ROR2: variants seen among roughly 807,000 people sequenced by gnomAD.
ROR2 encodes ROR family WNT receptor 2, also known as tyrosine-protein kinase transmembrane receptor ROR2.
In ROR2, 33 loss-of-function variants were observed where a neutral mutation model predicts 74.9. The observed-to-expected ratio is 0.44, with a 90% confidence interval of 0.33 to 0.59. ROR2 has a LOEUF of 0.59. ROR2 is among the 20% of genes least tolerant of loss of function. ROR2 has a pLI of 0.02. For synonymous variants in ROR2, 586 were observed against 558.7 expected, an observed-to-expected ratio of 1.05 and a Z score of -0.69; for missense variants, 1,216 against 1,313.8, an observed-to-expected ratio of 0.93 and a Z score of 1.15.
At chr9:91,773,860 G>C (rs1035858867) in intron 2 of ROR2, among the ~76,000 whole-genome samples, 1 of 152,226 alleles carries the variant, frequency 6.6e-6, no homozygotes, top group Non-Finnish European at 1.5e-5. Flanking sequence ...CCCAGATCAA[G>C]AGATGTGTTC....
At chr9:91,909,847 G>GTTTTTTGTTTTTTTTTTTT (rs1564032282) in intron 1 of ROR2, among the ~76,000 whole-genome samples, 39 of 53,612 alleles carry the variant, frequency 7.3e-4, no homozygotes, top group Non-Finnish European at 8.7e-4. Context: ...GGTTTGTTTT[G>GTTTTTTGTTTTTTTTTTTT]TTTTTTTTTT....
Position 91,757,096 on chromosome 9 carries a change from G to A in ROR2, c.463+176C>T, listed in dbSNP as rs1184489755. On this transcript the variant is annotated intron_variant, in intron 3 of 8. Coordinates refer to ENST00000375708, the MANE Select transcript of ROR2 (RefSeq NM_004560.4). ...TATTTTCTCTTATTACTAGTAAATG[G>A]GTAACAGGTCAAGCTGGGCCCTGGG... Among the ~76,000 whole-genome samples the A allele has an allele frequency of 3.3e-5, 5 of 152,054 alleles. No homozygotes were observed. The East Asian group carries it at 9.7e-4, about 30-fold the overall frequency.
intron 1 of ROR2, among the ~76,000 whole-genome samples, chr9:91,919,163 A>G (rs1299165379): frequency 6.6e-6 from 1 of 152,250 alleles, no homozygotes; most frequent in East Asian, 1.9e-4. Flanking sequence ...TCATACTGCC[A>G]GGATAACAAT....
intron 2 of ROR2, among the ~76,000 whole-genome samples, chr9:91,766,287 T>C (rs10512217): frequency 0.097 from 14,747 of 152,202 alleles, 1,019 homozygotes; most frequent in East Asian, 0.26. Context: ...CTAGGAAAAT[T>C]GGGCTGTTCT....
Position 91,742,753 on chromosome 9 carries a change from G to T in ROR2, c.495-5235C>A, listed in dbSNP as rs563200557. On this transcript the variant is annotated intron_variant, in intron 4 of 8. Coordinates refer to ENST00000375708, the MANE Select transcript of ROR2 (RefSeq NM_004560.4). ...TAGCGTTTACACAGTCTACAGTAGT[G>T]TACAGTAATGTGTAATGTCCTGGGC... is the stretch of plus-strand genomic sequence containing the variant. 3.9e-5 allele frequency among the ~76,000 whole-genome samples: 6 copies of T among 152,290 alleles called. No homozygotes were observed. The East Asian group carries it at 1.2e-3, about 29-fold the overall frequency.
At chr9:91,821,418 C>G (rs1182701169) in intron 1 of ROR2, among the ~76,000 whole-genome samples, 1 of 152,218 alleles carries the variant, frequency 6.6e-6, no homozygotes, top group African/African-American at 2.4e-5. Context: ...ATGGAACCAC[C>G]ATTCTGCTGT....
chr9:91,870,444 C>A (rs1829764348), intron 1 of ROR2, among the ~76,000 whole-genome samples: 1 of 152,164 alleles, frequency 6.6e-6, no homozygotes, highest in African/African-American at 2.4e-5. Flanking sequence ...TCCCCTGCAA[C>A]TGCCCAAAAA....
intron 1 of ROR2, among the ~76,000 whole-genome samples, chr9:91,784,321 C>G (rs1364026336): frequency 6.6e-6 from 1 of 152,154 alleles, no homozygotes; most frequent in Non-Finnish European, 1.5e-5. Context: ...ATGCTGTGGG[C>G]GACTGCAGCA....
intron 1 of ROR2, among the ~76,000 whole-genome samples, chr9:91,814,635 C>A (rs1381419068): frequency 2.6e-5 from 4 of 152,208 alleles, no homozygotes. Context: ...AACCTGAGAT[C>A]CCCCACGTTT....
At chr9:91,921,773 G>C (rs999002912) in intron 1 of ROR2, among the ~76,000 whole-genome samples, 2 of 150,078 alleles carry the variant, frequency 1.3e-5, no homozygotes, top group Admixed American at 6.7e-5. Context: ...TGAGGCAGGA[G>C]AATCGCTTGA....
Position 91,796,432 on chromosome 9 carries a change from C to G in ROR2, c.98-20614G>C. ...TGGGCAACAGAGTGAGACCTTGTCC[C>G]AAGGAAAAAAAAAAAAAAAAAAACA... On this transcript the variant is annotated intron_variant, in intron 1 of 8. Coordinates refer to ENST00000375708, the MANE Select transcript of ROR2 (RefSeq NM_004560.4). Among the ~76,000 whole-genome samples, 2 of 105,986 alleles carry G rather than the reference C, an allele frequency of 1.9e-5. 1 individual carries two copies. The highest frequency in any genetic ancestry group is 8.9e-4 in the East Asian group (2 of 2,246). 69.5% of individuals were successfully genotyped at this position (105,986 alleles called of 152,430 possible).
rs1415833133 is a variant in ROR2 at position 91,823,471 on chromosome 9, C to T, written c.98-47653G>A. Among the ~76,000 whole-genome samples, 3 of 150,242 alleles carry T rather than the reference C, an allele frequency of 2.0e-5. 1 individual carries two copies. Among genetic ancestry groups the T allele is most frequent in the African/African-American group, 5.0e-5 (2 of 39,886 alleles). ...CAGCCTCCCAAGTAGCTGGGATTGCCGGCGCATGCCACCACGCCAGCTGAT... is the reference window on the plus strand; with the variant it reads ...CAGCCTCCCAAGTAGCTGGGATTGCTGGCGCATGCCACCACGCCAGCTGAT... On this transcript the variant is annotated intron_variant, in intron 1 of 8. Coordinates refer to ENST00000375708, the MANE Select transcript of ROR2 (RefSeq NM_004560.4).
Position 91,757,338 on chromosome 9 carries a change from A to G in ROR2, c.397T>C (p.Tyr133His). The G allele has an allele frequency of 6.2e-7, 1 of 1,613,980 alleles. No individual in the cohort carries two copies. The highest frequency in any genetic ancestry group is 8.5e-7 in the Non-Finnish European group (1 of 1,179,978). Residue 133 changes from tyrosine (Y) to histidine (H), a missense_variant, in exon 3 of 9, where the codon TAC becomes CAC. Tyr to His is a moderately conservative substitution (Grantham distance 83). Coordinates refer to ENST00000375708, the MANE Select transcript of ROR2 (RefSeq NM_004560.4). The part of the protein sequence containing the change: ...QDLDTTDTGY[Y>H]QCVATNGMKT... ...ATCCCGTTGGTGGCCACGCACTGGT[A>G]GTAGCCAGTGTCTGTCGTGTCCAGG...
At chr9:91,835,541 C>T (rs939999190) in intron 1 of ROR2, among the ~76,000 whole-genome samples, 5 of 152,202 alleles carry the variant, frequency 3.3e-5, no homozygotes, top group Non-Finnish European at 7.3e-5. Flanking sequence ...GCCCTGCTGC[C>T]CCATCCCTGA....
intron 1 of ROR2, among the ~76,000 whole-genome samples, chr9:91,889,446 C>A (rs923658570): frequency 6.6e-6 from 1 of 152,184 alleles, no homozygotes; most frequent in Admixed American, 6.5e-5. Context: ...GCATGCTAGA[C>A]GTGGTTGGGG....
chr9:91,873,646 T>C (rs80217787), intron 1 of ROR2, among the ~76,000 whole-genome samples: 11,195 of 152,158 alleles, frequency 0.074, 528 homozygotes, highest in African/African-American at 0.13. Flanking sequence ...AGGGCCTTCT[T>C]TGTTGCAATC....
At chr9:91,726,245 C>G (rs1425710109) in intron 8 of ROR2, among the ~76,000 whole-genome samples, 1 of 152,190 alleles carries the variant, frequency 6.6e-6, no homozygotes, top group Non-Finnish European at 1.5e-5. Context: ...CTGGGCAGAG[C>G]TGAGGCACCT....
intron 1 of ROR2, among the ~76,000 whole-genome samples, chr9:91,783,119 A>G (rs532003696): frequency 1.3e-5 from 2 of 152,184 alleles, no homozygotes; most frequent in Admixed American, 6.5e-5. Flanking sequence ...CCCTCCATGC[A>G]CACCGTCTTT....
At chr9:91,744,139 T>C (rs1311618884) in intron 4 of ROR2, among the ~76,000 whole-genome samples, 1 of 151,994 alleles carries the variant, frequency 6.6e-6, no homozygotes, top group Non-Finnish European at 1.5e-5. Context: ...TTTTATCTGT[T>C]GCATTCATTG....
Sources: allele counts gnomAD v4.1 joint callset (sites outside exome capture counted in the v4.1 genomes callset), GRCh38; gene constraint gnomAD v4.1.1; transcripts MANE v1.5; gene names NCBI Gene and HGNC (gene_info 2026-07-23, HGNC 2026-07-21).